The following MYO10 variants were observed in gnomAD, a reference collection of about 807,000 sequenced individuals.
MYO10 encodes the protein myosin X, also known as unconventional myosin-X.
MYO10 carries 133 observed loss-of-function variants against 257.3 expected under a neutral mutation model. The ratio of observed to expected loss-of-function variants is 0.52; its 90% CI spans 0.45 to 0.60. MYO10 has a LOEUF of 0.60. Ranked by LOEUF, MYO10 falls within the 20% of genes least tolerant of loss-of-function variation. The probability of loss-of-function intolerance (pLI) is 0.00; values close to 1 mark genes in which losing one functional copy is unlikely to be tolerated. For synonymous variants in MYO10, 1,104 were observed against 1,028.6 expected, an observed-to-expected ratio of 1.07 and a Z score of -1.40; for missense variants, 2,399 against 2,635.7, an observed-to-expected ratio of 0.91 and a Z score of 1.97.
chr5:16,862,181 T>C (rs1009296322), intron 2 of MYO10, among the ~76,000 whole-genome samples: 2 of 152,186 alleles, frequency 1.3e-5, no homozygotes, highest in Non-Finnish European at 2.9e-5. Flanking sequence ...GTCAGAACTG[T>C]GGCACCCTGG....
chr5:16,749,875 G>A (rs189273704), intron 19 of MYO10, among the ~76,000 whole-genome samples: 9 of 152,286 alleles, frequency 5.9e-5, no homozygotes, highest in Non-Finnish European at 8.8e-5. Flanking sequence ...GAACCTCCTC[G>A]GGGCTTTTCT....
Position 16,820,818 on chromosome 5 carries a change from T to C in MYO10, c.121-2651A>G, listed in dbSNP as rs146908058. ...ACAGACACTAATTATATTTTACATA[T>C]ATGTAATATACACATACTTATTACA... is the stretch of plus-strand genomic sequence containing the variant. On this transcript the variant is annotated intron_variant, in intron 2 of 40. Coordinates refer to ENST00000513610, the MANE Select transcript of MYO10 (RefSeq NM_012334.3). 1.8e-3 allele frequency among the ~76,000 whole-genome samples: 279 copies of C among 151,394 alleles called. 1 individual carries two copies. The highest frequency in any genetic ancestry group is 1.9e-3 in the Non-Finnish European group (126 of 67,862).
chr5:16,672,959 G>T, intron 36 of MYO10, 134 bp from the exon 37 acceptor site: 1 of 981,812 alleles, frequency 1.0e-6, no homozygotes, highest in Non-Finnish European at 1.5e-6. Flanking sequence ...AATGTTACCC[G>T]TGTGGTCATC....
intron 1 of MYO10, among the ~76,000 whole-genome samples, chr5:16,879,609 T>C (rs1744702888): frequency 6.6e-6 from 1 of 152,186 alleles, no homozygotes; most frequent in South Asian, 2.1e-4. Context: ...GCTAGTGACC[T>C]AGGCAGGTCT....
At position 16,662,327 on chromosome 5, in the gene MYO10, T is replaced by TTTTTTTTTTTTTTTTTTTTTTTTTTTTTC. The variant is rs1736015014; in HGVS notation, c.*4364_*4365insGAAAAAAAAAAAAAAAAAAAAAAAAAAAA. 1 of 129,618 alleles carries TTTTTTTTTTTTTTTTTTTTTTTTTTTTTC rather than the reference T, an allele frequency of 7.7e-6. No homozygotes were observed. Among genetic ancestry groups the TTTTTTTTTTTTTTTTTTTTTTTTTTTTTC allele is most frequent in the Non-Finnish European group, 1.6e-5 (1 of 61,288 alleles). The allele number at this position is 129,618 out of a possible 1,614,324, so 8.0% of individuals were successfully genotyped here. A position where few individuals can be genotyped will look rare whatever the true frequency, so the allele number is the denominator to read the frequency against. ...TAGATTTCTGAACTATTTTTTTTTT[T>TTTTTTTTTTTTTTTTTTTTTTTTTTTTTC]TTTTTTTTTTTTTGGAGACAGAGTC... On this transcript the variant is annotated 3_prime_UTR_variant, in exon 41 of 41. Transcript: ENST00000513610.
rs755255672 is a variant in MYO10 at position 16,711,239 on chromosome 5, C to T, written c.1936G>A (p.Asp646Asn). 1.2e-5 allele frequency: 19 copies of T among 1,596,896 alleles called. No homozygotes were observed. In the South Asian group the frequency reaches 2.1e-4, roughly 18 times the overall value. ...CIKPNMQKMP[D>N]QFDQAVVLNQ... is the part of the protein sequence containing the mutation. The stretch of plus-strand genomic sequence containing the variant: ...AGCACAACCGCCTGGTCAAACTGGT[C>T]TGGCATCTAAACCATGCAAAAAAAA... The change falls in exon 20 of 41, where the codon GAC becomes AAC. Residue 646 changes from aspartate to asparagine, a missense_variant. This residue lies in a region of MYO10 where 1,820 missense variants were observed against 1,939.4 expected (regional missense o/e 0.94). Coordinates refer to ENST00000513610, the MANE Select transcript of MYO10 (RefSeq NM_012334.3).
At chr5:16,710,398 C>T (rs1170873119) in intron 21 of MYO10, among the ~76,000 whole-genome samples, 2 of 152,218 alleles carry the variant, frequency 1.3e-5, no homozygotes, top group Non-Finnish European at 2.9e-5. Flanking sequence ...GGAGCCTCTG[C>T]CCCAACAGCA....
intron 19 of MYO10, among the ~76,000 whole-genome samples, chr5:16,721,422 G>A (rs953471008): frequency 2.0e-5 from 3 of 152,146 alleles, no homozygotes; most frequent in African/African-American, 7.2e-5. Context: ...TTCAACTGGC[G>A]ACAAAAGTCC....
At chr5:16,908,263 C>T (rs1006050263) in intron 1 of MYO10, among the ~76,000 whole-genome samples, 1 of 152,054 alleles carries the variant, frequency 6.6e-6, no homozygotes, top group South Asian at 2.1e-4. Context: ...CACAGTGGCT[C>T]ACACCTGTAA....
intron 19 of MYO10, among the ~76,000 whole-genome samples, chr5:16,724,677 A>C (rs929191127): frequency 6.6e-6 from 1 of 152,188 alleles, no homozygotes; most frequent in African/African-American, 2.4e-5. Flanking sequence ...GGAGGGATGC[A>C]AAAGAAATTG....
Position 16,891,857 on chromosome 5 carries a change from T to C in MYO10, c.22-14150A>G, listed in dbSNP as rs979631129. Reference sequence around the variant, plus strand: ...AAAGGAATATCAGCTCTCATTTTCATCACACACAAATGTTACAGGTTTCAG... The same window carrying C: ...AAAGGAATATCAGCTCTCATTTTCACCACACACAAATGTTACAGGTTTCAG... On this transcript the variant is annotated intron_variant, in intron 1 of 40. Transcript: ENST00000513610. Among the ~76,000 whole-genome samples the C allele has an allele frequency of 3.4e-4, 51 of 152,216 alleles. 1 individual carries two copies. The highest frequency in any genetic ancestry group is 1.2e-3 in the African/African-American group (49 of 41,448).
At position 16,665,574 on chromosome 5, in the gene MYO10, C is replaced by CCTTTGA. The variant is rs1485152920; in HGVS notation, c.*1117_*1118insTCAAAG. 2 of 152,202 alleles carry CCTTTGA rather than the reference C, an allele frequency of 1.3e-5. No individual in the cohort carries two copies. Among genetic ancestry groups the CCTTTGA allele is most frequent in the African/African-American group, 4.8e-5 (2 of 41,454 alleles). The allele number at this position is 152,202 out of a possible 1,614,324, so 9.4% of individuals were successfully genotyped here. A position where few individuals can be genotyped will look rare whatever the true frequency, so the allele number is the denominator to read the frequency against. On this transcript the variant is annotated 3_prime_UTR_variant, in exon 41 of 41. Transcript: ENST00000513610. ...GTATTAAAGCCTCAGCATTTAATGT[C>CCTTTGA]AGGGTCCTTTGAAGATTCACTCAAG...
At chr5:16,888,505 G>T (rs535387387) in intron 1 of MYO10, among the ~76,000 whole-genome samples, 1 of 151,994 alleles carries the variant, frequency 6.6e-6, no homozygotes, top group East Asian at 1.9e-4. Flanking sequence ...TGAGGCAGGA[G>T]AACTACTTGA....
chr5:16,668,387 T>C lies in MYO10; in HGVS notation c.5965A>G (p.Arg1989Gly). 3 of 1,613,998 alleles carry C rather than the reference T, an allele frequency of 1.9e-6. No individual in the cohort carries two copies. The highest frequency in any genetic ancestry group is 2.5e-6 in the Non-Finnish European group (3 of 1,179,874). Residue 1989 changes from arginine (R) to glycine (G), a missense_variant, in exon 40 of 41, where the codon AGA (arginine) becomes GGA (glycine). Arg to Gly is a moderately radical substitution (Grantham distance 125). Around this residue, in one of 3 missense-constraint regions of MYO10, gnomAD observed 1,820 missense variants for 1,939.4 expected, o/e 0.94. Coordinates refer to ENST00000513610, the MANE Select transcript of MYO10 (RefSeq NM_012334.3). The stretch of plus-strand genomic sequence containing the variant: ...TCATACTGGAAGACTTCCAGTGGTC[T>C]TCCCTCTCCACGCTTGTAGACGGAG... The part of the protein sequence containing the change: ...AVSVYKRGEG[R>G]PLEVFQYEHI...
chr5:16,877,439 T>C (rs1363090572), intron 2 of MYO10, among the ~76,000 whole-genome samples, 170 bp downstream of exon 2: 1 of 152,210 alleles, frequency 6.6e-6, no homozygotes, highest in Admixed American at 6.5e-5. Flanking sequence ...ATTGTATCTA[T>C]TACACACACA....
intron 2 of MYO10, among the ~76,000 whole-genome samples, chr5:16,857,337 A>C (rs894942430): frequency 6.6e-6 from 1 of 152,244 alleles, no homozygotes; most frequent in Non-Finnish European, 1.5e-5. Context: ...GCAGCAGTTG[A>C]AAAAGGTACT....
rs55987339 is a variant in MYO10, at chr5:16,685,689, G to A, written c.3990+49C>T. ...TTTTTACCATCCTGACGCCCTCCCC[G>A]TCCCTGCCCCTAGACGCCCCACCCC... On this transcript the variant is annotated intron_variant, in intron 29 of 40. Coordinates refer to ENST00000513610, the MANE Select transcript of MYO10 (RefSeq NM_012334.3). 640 of 620,898 alleles carry A rather than the reference G, an allele frequency of 1.0e-3. 1 individual carries two copies. Among genetic ancestry groups the A allele is most frequent in the Admixed American group, 2.0e-3 (83 of 42,556 alleles). The allele number at this position is 620,898 out of a possible 1,614,324, so 38.5% of individuals were successfully genotyped here. A position where few individuals can be genotyped will look rare whatever the true frequency, so the allele number is the denominator to read the frequency against.
intron 2 of MYO10, among the ~76,000 whole-genome samples, chr5:16,829,405 T>C (rs1018359372): frequency 6.6e-6 from 1 of 151,970 alleles, no homozygotes; most frequent in Non-Finnish European, 1.5e-5. Flanking sequence ...CACTGCAAGA[T>C]GCAATTCAAC....
At chr5:16,778,420 A>G (rs541584230) in intron 9 of MYO10, among the ~76,000 whole-genome samples, 18 of 152,302 alleles carry the variant, frequency 1.2e-4, no homozygotes, top group African/African-American at 4.3e-4. Flanking sequence ...ATGCTTAGGC[A>G]GATAAAATGG....
Sources: allele counts gnomAD v4.1 joint callset (sites outside exome capture counted in the v4.1 genomes callset), GRCh38; gene constraint gnomAD v4.1.1; regional missense constraint gnomAD v4.1.1; transcripts MANE v1.5; gene names NCBI Gene and HGNC (gene_info 2026-07-23, HGNC 2026-07-21).